The following FHIT variants were observed in gnomAD, a reference collection of about 807,000 sequenced individuals.
FHIT encodes fragile histidine triad diadenosine triphosphatase.
Under a neutral mutation model 17.9 loss-of-function variants are expected in FHIT, and 19 were observed. The ratio of observed to expected loss-of-function variants is 1.06; its 90% CI spans 0.74 to 1.56. The LOEUF is 1.56. Ranked by LOEUF, FHIT falls within the 40% of genes most tolerant of loss-of-function variation. FHIT has a pLI of 0.00. For synonymous variants in FHIT, 81 were observed against 69.7 expected (o/e 1.16, Z -0.81); for missense variants, 248 against 189.2 (o/e 1.31, Z -1.82).
intron 3 of FHIT, among the ~76,000 whole-genome samples, chr3:60,830,854 A>G (rs1042634828): frequency 6.6e-6 from 1 of 152,172 alleles, no homozygotes; most frequent in Non-Finnish European, 1.5e-5. Flanking sequence ...TGTTGCATTT[A>G]TGGAAGTATT....
intron 5 of FHIT, among the ~76,000 whole-genome samples, chr3:60,150,436 G>T (rs1479684396): frequency 6.6e-6 from 1 of 152,146 alleles, no homozygotes; most frequent in African/African-American, 2.4e-5. Flanking sequence ...GCAAACACTA[G>T]AAATTTATGC....
At chr3:60,594,144 G>A (rs1197120193) in intron 4 of FHIT, among the ~76,000 whole-genome samples, 2 of 152,094 alleles carry the variant, frequency 1.3e-5, no homozygotes, top group Non-Finnish European at 2.9e-5. Flanking sequence ...CTGTATAGAA[G>A]TCACTGAAGG....
chr3:60,240,700 G>C (rs1253717301), intron 5 of FHIT, among the ~76,000 whole-genome samples: 1 of 152,150 alleles, frequency 6.6e-6, no homozygotes, highest in Non-Finnish European at 1.5e-5. Flanking sequence ...CAATAATTGA[G>C]ATGGAAAGGA....
rs528997554 is a variant in FHIT, at chr3:59,958,902, A to G, written c.280-36488T>C. Among the ~76,000 whole-genome samples the G allele has an allele frequency of 5.1e-4, 78 of 152,340 alleles. 1 individual carries two copies. The South Asian group carries it at 0.016, about 30-fold the overall frequency. On this transcript the variant is annotated intron_variant, in intron 7 of 9. Transcript: ENST00000492590. ...GGCTCAGTTTTCAGTATCAGGATTC[A>G]AAGCAGCAACCTCTGTCATTACAAT...
At chr3:60,962,014 T>G (rs1709478976) in intron 3 of FHIT, among the ~76,000 whole-genome samples, 1 of 152,210 alleles carries the variant, frequency 6.6e-6, no homozygotes, top group African/African-American at 2.4e-5. Flanking sequence ...ATAAATTGCC[T>G]TGGGCAGTAT....
intron 5 of FHIT, among the ~76,000 whole-genome samples, chr3:60,164,786 G>C (rs1188787672): frequency 1.3e-5 from 2 of 152,182 alleles, no homozygotes; most frequent in Middle Eastern, 3.4e-3. Flanking sequence ...TCAATCTAAA[G>C]CTAAGAGAGT....
chr3:59,749,330 T>TAATC lies in FHIT; in HGVS notation c.*251_*254dup, dbSNP rs1175163333. On this transcript the variant is annotated 3_prime_UTR_variant, in exon 10 of 10. Coordinates refer to ENST00000492590, the MANE Select transcript of FHIT (RefSeq NM_002012.4). ...CAGGGTTGCAGCAGAGAAGGAAGTT[T>TAATC]AATCATAAGGCTGCCGAATAAGGAG... is the stretch of plus-strand genomic sequence containing the variant. 8.6e-6 allele frequency: 2 copies of TAATC among 231,348 alleles called. No homozygotes were observed. The highest frequency in any genetic ancestry group is 4.4e-5 in the African/African-American group (2 of 45,074). The allele number at this position is 231,348 out of a possible 1,614,324, so 14.3% of individuals were successfully genotyped here.
chr3:60,557,415 T>G (rs1419916964), intron 4 of FHIT, among the ~76,000 whole-genome samples: 2 of 151,542 alleles, frequency 1.3e-5, no homozygotes, highest in East Asian at 3.9e-4. Flanking sequence ...AAAAAAAAAA[T>G]AGACATGATG....
At chr3:60,610,004 C>A (rs1004983963) in intron 4 of FHIT, among the ~76,000 whole-genome samples, 1 of 152,164 alleles carries the variant, frequency 6.6e-6, no homozygotes, top group African/African-American at 2.4e-5. Context: ...GGTATTTAAT[C>A]GGTTGCTTTA....
intron 5 of FHIT, among the ~76,000 whole-genome samples, chr3:60,470,770 A>T (rs1215252516): frequency 6.6e-6 from 1 of 151,932 alleles, no homozygotes; most frequent in Non-Finnish European, 1.5e-5. Flanking sequence ...TCTTTTCCTC[A>T]AGCAGAAGGG....
At chr3:60,246,387 C>T (rs1705397302) in intron 5 of FHIT, among the ~76,000 whole-genome samples, 1 of 152,078 alleles carries the variant, frequency 6.6e-6, no homozygotes, top group Admixed American at 6.6e-5. Context: ...GGGGAAGGGT[C>T]TCTCTTTTAC....
chr3:60,854,910 C>A (rs1703316755), intron 3 of FHIT, among the ~76,000 whole-genome samples: 1 of 152,116 alleles, frequency 6.6e-6, no homozygotes, highest in Non-Finnish European at 1.5e-5. Context: ...CAACCAATGC[C>A]TACCATACAC....
At chr3:60,904,795 C>A (rs1481191241) in intron 3 of FHIT, among the ~76,000 whole-genome samples, 1 of 151,838 alleles carries the variant, frequency 6.6e-6, no homozygotes, top group East Asian at 1.9e-4. Flanking sequence ...CAAAAATCAG[C>A]CAGGCACGGT....
intron 4 of FHIT, among the ~76,000 whole-genome samples, chr3:60,565,192 A>C (rs2037089110): frequency 6.6e-6 from 1 of 152,186 alleles, no homozygotes; most frequent in Admixed American, 6.5e-5. Flanking sequence ...AGCTAAGTGT[A>C]AATATAGCTT....
At chr3:60,938,506 T>C (rs1708285141) in intron 3 of FHIT, among the ~76,000 whole-genome samples, 2 of 152,214 alleles carry the variant, frequency 1.3e-5, no homozygotes, top group African/African-American at 2.4e-5. Context: ...AGTATAGCTG[T>C]TGCACAGATG....
intron 3 of FHIT, among the ~76,000 whole-genome samples, chr3:60,945,890 G>T (rs1708620259): frequency 6.6e-6 from 1 of 152,176 alleles, no homozygotes; most frequent in South Asian, 2.1e-4. Context: ...GAAAGTAGAA[G>T]TATTAGGTAA....
rs1312281524 is a variant in FHIT, at chr3:60,816,593, C to G, written c.-18+5326G>C. ...CATGCCAGAATGAAGCCTACTTGAT[C>G]ATGGTAAATTAACCTTTTGATGTGC... On this transcript the variant is annotated intron_variant, in intron 4 of 9. Coordinates refer to ENST00000492590, the MANE Select transcript of FHIT (RefSeq NM_002012.4). Among the ~76,000 whole-genome samples, 3 of 152,104 alleles carry G rather than the reference C, an allele frequency of 2.0e-5. No individual in the cohort carries two copies. The East Asian group carries it at 5.8e-4, about 29-fold the overall frequency.
At chr3:59,776,054 C>A (rs538954196) in intron 8 of FHIT, among the ~76,000 whole-genome samples, 1 of 152,178 alleles carries the variant, frequency 6.6e-6, no homozygotes, top group Non-Finnish European at 1.5e-5. Flanking sequence ...AAAATGAATT[C>A]GAATTGCCTG....
At chr3:60,696,720 C>T (rs961244515) in intron 4 of FHIT, among the ~76,000 whole-genome samples, 2 of 152,070 alleles carry the variant, frequency 1.3e-5, no homozygotes, top group African/African-American at 4.8e-5. Flanking sequence ...AGGGAATGTT[C>T]CTTAGTCATC....
Sources: gnomAD v4.1 joint callset for allele counts (sites outside exome capture counted in the v4.1 genomes callset) on GRCh38, gnomAD v4.1.1 for gene constraint, MANE v1.5 for transcripts, NCBI Gene and HGNC (gene_info 2026-07-23, HGNC 2026-07-21) for gene names.